Variants in RNF32 observed in about 807,000 individuals in gnomAD.
The protein encoded by RNF32 is ring finger protein 32.
A neutral mutation model predicts 41.0 loss-of-function variants in RNF32; 36 were observed. The observed-to-expected ratio is 0.88, with a 90% CI of 0.67 to 1.16. The LOEUF is 1.16. Among genes scored for constraint, RNF32 ranks in the 50% most tolerant of loss-of-function variants. The pLI is 0.00. For missense variants in RNF32, 413 were observed against 436.7 expected (o/e 0.95, Z 0.48); for synonymous variants, 154 against 160.9 (o/e 0.96, Z 0.32).
At chr7:156,671,939 T>G (rs1045239661) in intron 7 of RNF32, among the ~76,000 whole-genome samples, 8 of 152,272 alleles carry the variant, frequency 5.3e-5, no homozygotes, top group South Asian at 2.1e-4. Context: ...GAGAAGAAAT[T>G]TCAGTTGAAT....
chr7:156,668,711 C>T (rs574499224), intron 7 of RNF32, among the ~76,000 whole-genome samples: 4 of 152,324 alleles, frequency 2.6e-5, no homozygotes, highest in East Asian at 1.9e-4. Flanking sequence ...TCTTGCTACA[C>T]GGGAGCTCTC....
At chr7:156,657,657 T>G in intron 5 of RNF32, 84 bp downstream of exon 5, 1 of 1,290,330 alleles carries the variant, frequency 7.7e-7, no homozygotes, top group South Asian at 1.2e-5. Flanking sequence ...TCAAGGCTCC[T>G]AAGGAGAGCC....
rs1399231070 is a variant in RNF32 at position 156,654,719 on chromosome 7, G to A, written c.417+1G>A. On this transcript the variant is annotated splice_donor_variant, in intron 4 of 8. Transcript: ENST00000317955. LOFTEE classifies it high-confidence loss of function. ...AGAAGAATTCGAGCTTCGTCCTCAG[G>A]TGTTTAGCATACGAGGGTGAGCTAG... The A allele has an allele frequency of 6.2e-7, 1 of 1,613,684 alleles. No homozygotes were observed. The highest frequency in any genetic ancestry group is 8.5e-7 in the Non-Finnish European group (1 of 1,179,624).
At chr7:156,676,217 T>C in intron 8 of RNF32, 3 of 1,495,594 alleles carry the variant, frequency 2.0e-6, no homozygotes, top group Non-Finnish European at 2.7e-6. Flanking sequence ...TTTCCACAGT[T>C]CCCAGGAGTA....
At chr7:156,642,035 G>A (rs1797412322) in intron 1 of RNF32, among the ~76,000 whole-genome samples, 1 of 152,204 alleles carries the variant, frequency 6.6e-6, no homozygotes, top group Non-Finnish European at 1.5e-5. Flanking sequence ...TCACGCCTTA[G>A]TGAGTTTGTT....
At chr7:156,658,652 T>A (rs148430315) in intron 7 of RNF32, 82 bp downstream of exon 7, 4 of 927,902 alleles carry the variant, frequency 4.3e-6, no homozygotes, top group Non-Finnish European at 5.1e-6. Context: ...ACAGAGGTGG[T>A]AAAACTTTGA....
chr7:156,665,290 T>A (rs931757094), intron 7 of RNF32, among the ~76,000 whole-genome samples: 1 of 152,200 alleles, frequency 6.6e-6, no homozygotes, highest in Non-Finnish European at 1.5e-5. Context: ...GCCAGGTTTT[T>A]CTGCGTAGTA....
chr7:156,648,263 G>A (rs1052794754), intron 3 of RNF32, among the ~76,000 whole-genome samples: 1 of 152,172 alleles, frequency 6.6e-6, no homozygotes, highest in Non-Finnish European at 1.5e-5. Flanking sequence ...TCTGTGTGTT[G>A]GAGTCACACA....
At chr7:156,663,635 A>G (rs1250913506) in intron 7 of RNF32, among the ~76,000 whole-genome samples, 1 of 152,202 alleles carries the variant, frequency 6.6e-6, no homozygotes, top group Non-Finnish European at 1.5e-5. Flanking sequence ...AGAGCTAATA[A>G]TTTTTTTAAA....
chr7:156,675,677 G>GCCC lies in RNF32; in HGVS notation c.685-16_685-14dup. On this transcript the variant is annotated intron_variant, in intron 7 of 8. Coordinates refer to ENST00000317955, the MANE Select transcript of RNF32 (RefSeq NM_030936.4). ...ACCGAGCTCAGGTGTGAGCTTACCC[G>GCCC]CCCCCGCCTCCTCCTCAGTTCACAG... The GCCC allele has an allele frequency of 5.7e-6, 8 of 1,391,966 alleles. No individual in the cohort carries two copies. The highest frequency in any genetic ancestry group is 8.1e-6 in the Non-Finnish European group (8 of 983,232). The allele number at this position is 1,391,966 out of a possible 1,614,324, so 86.2% of individuals were successfully genotyped here. A position where few individuals can be genotyped will look rare whatever the true frequency, so the allele number is the denominator to read the frequency against.
chr7:156,654,524 T>C (rs978457253), intron 3 of RNF32, 52 bp from the exon 4 acceptor site: 4 of 1,539,904 alleles, frequency 2.6e-6, no homozygotes, highest in Non-Finnish European at 3.6e-6. Flanking sequence ...TATAGGTGGG[T>C]GCCATATGCT....
In RNF32 at chr7:156,644,676, A is replaced by G. The variant is rs1584999242; in HGVS notation, c.193A>G (p.Lys65Glu). 1 of 1,612,932 alleles carries G rather than the reference A, an allele frequency of 6.2e-7. No homozygotes were observed. The highest frequency in any genetic ancestry group is 8.5e-7 in the Non-Finnish European group (1 of 1,179,250). The change falls in exon 3 of 9, where the codon AAA becomes GAA. Residue 65 changes from lysine (K) to glutamate (E), a missense_variant. Lys to Glu is a moderately conservative substitution (Grantham distance 56). Coordinates refer to ENST00000317955, the MANE Select transcript of RNF32 (RefSeq NM_030936.4). ...DTKAIIDTGL[K>E]KTTQCPKLED... ...AAAGGCAATAATAGATACTGGACTT[A>G]AAAAAACTACACAGTGCCCCAAACT...
At chr7:156,645,205 G>A (rs1021228314) in intron 3 of RNF32, among the ~76,000 whole-genome samples, 28 of 152,158 alleles carry the variant, frequency 1.8e-4, no homozygotes, top group Admixed American at 4.6e-4. Context: ...AGTTTCTCCA[G>A]AGATGCAAGT....
intron 3 of RNF32, among the ~76,000 whole-genome samples, chr7:156,645,712 A>G (rs1163325966): frequency 6.6e-6 from 1 of 152,232 alleles, no homozygotes; most frequent in Non-Finnish European, 1.5e-5. Context: ...AAAGGTTAAC[A>G]TTTGGGGTTA....
At chr7:156,642,611 C>G (rs1797500387) in intron 1 of RNF32, among the ~76,000 whole-genome samples, 1 of 152,244 alleles carries the variant, frequency 6.6e-6, no homozygotes. Context: ...ATTTTCCAAC[C>G]TGCTTATTCC....
At chr7:156,644,300 A>C (rs10235562) in intron 2 of RNF32, among the ~76,000 whole-genome samples, 199 bp from the exon 3 acceptor site, 56,782 of 151,972 alleles carry the variant, frequency 0.37, 11,136 homozygotes, top group African/African-American at 0.49. Context: ...TCATAATTAA[A>C]TGAAAAGATA....
intron 7 of RNF32, among the ~76,000 whole-genome samples, chr7:156,660,744 A>T (rs1374845921): frequency 6.6e-6 from 1 of 152,158 alleles, no homozygotes; most frequent in African/African-American, 2.4e-5. Flanking sequence ...AAAGAAGTTG[A>T]CTCTGACTGA....
At chr7:156,676,193 T>C in intron 8 of RNF32, 2 of 1,357,730 alleles carry the variant, frequency 1.5e-6, no homozygotes, top group Non-Finnish European at 2.0e-6. Context: ...TTATCACAGG[T>C]GGGTTACTAA....
intron 3 of RNF32, among the ~76,000 whole-genome samples, chr7:156,649,703 T>C (rs1015434256): frequency 6.6e-5 from 10 of 152,222 alleles, no homozygotes; most frequent in Middle Eastern, 3.2e-3. Flanking sequence ...CTTGAGTTTG[T>C]TTGTGCCGTA....
Sources: allele counts gnomAD v4.1 joint callset (sites outside exome capture counted in the v4.1 genomes callset), GRCh38; gene constraint gnomAD v4.1.1; transcripts MANE v1.5; gene names NCBI Gene and HGNC (gene_info 2026-07-23, HGNC 2026-07-21).